Variants in TTYH2 observed in about 807,000 individuals in gnomAD.
TTYH2 encodes protein tweety homolog 2.
In TTYH2, 49 loss-of-function variants were observed where a neutral mutation model predicts 68.3. That is an observed-to-expected ratio of 0.72 (90% CI 0.57 to 0.91). The LOEUF is 0.91. TTYH2 is among the 40% of genes least tolerant of loss of function. The probability of loss-of-function intolerance (pLI) is 0.00; values close to 1 mark genes in which losing one functional copy is unlikely to be tolerated. For synonymous variants in TTYH2, 272 were observed against 300.8 expected (o/e 0.90, Z 0.99); for missense variants, 631 against 700.4 (o/e 0.90, Z 1.12).
chr17:74,213,996 G>A lies in TTYH2; in HGVS notation c.129+280G>A, dbSNP rs2050197547. On this transcript the variant is annotated intron_variant, in intron 1 of 13. Transcript: ENST00000269346. The surrounding 1 kb of genome is among the most constrained non-coding windows in gnomAD (Gnocchi z 6.1). ...GGGCGCAAGACCGCCTGCGGGGTGAGGGGCTGAACGCTGAGCGGGCAGGGC... is the reference window on the plus strand; with the variant it reads ...GGGCGCAAGACCGCCTGCGGGGTGAAGGGCTGAACGCTGAGCGGGCAGGGC... Among the ~76,000 whole-genome samples, 1 of 151,990 alleles carries A rather than the reference G, an allele frequency of 6.6e-6. No individual in the cohort carries two copies. Among genetic ancestry groups the A allele is most frequent in the African/African-American group, 2.4e-5 (1 of 41,374 alleles).
chr17:74,234,130 G>A (rs2050418109), intron 3 of TTYH2, among the ~76,000 whole-genome samples: 1 of 152,186 alleles, frequency 6.6e-6, no homozygotes, highest in African/African-American at 2.4e-5. Flanking sequence ...AACACTGATT[G>A]CAGGGCCCTG....
intron 10 of TTYH2, among the ~76,000 whole-genome samples, chr17:74,251,429 T>A (rs1279940981): frequency 6.6e-6 from 1 of 151,772 alleles, no homozygotes; most frequent in Non-Finnish European, 1.5e-5. Flanking sequence ...TACTGAAGAG[T>A]CCCGAGTTGG....
intron 13 of TTYH2, among the ~76,000 whole-genome samples, chr17:74,255,817 G>T (rs907672870): frequency 3.3e-5 from 5 of 152,340 alleles, no homozygotes; most frequent in East Asian, 3.9e-4. Context: ...GGGTCCTGGA[G>T]CCAGGCATCT....
At chr17:74,257,268 A>T (rs1459689402) in intron 13 of TTYH2, among the ~76,000 whole-genome samples, 1 of 152,174 alleles carries the variant, frequency 6.6e-6, no homozygotes, top group Non-Finnish European at 1.5e-5. Context: ...CCTAGATTTA[A>T]GACCTGCCCA....
intron 6 of TTYH2, among the ~76,000 whole-genome samples, chr17:74,247,181 CAAAAAA>C (rs71157049): frequency 1.3e-5 from 1 of 77,228 alleles, no homozygotes; most frequent in Non-Finnish European, 2.7e-5. Flanking sequence ...GACTCTGTCT[CAAAAAA>C]AAAAAAAAAA....
At chr17:74,226,342 C>T (rs2050329222) in intron 2 of TTYH2, among the ~76,000 whole-genome samples, 1 of 152,004 alleles carries the variant, frequency 6.6e-6, no homozygotes, top group Non-Finnish European at 1.5e-5. Context: ...GTGAAGGAGA[C>T]CAGGAAAGAG....
At chr17:74,250,562 A>C (rs1218311511) in intron 10 of TTYH2, 2 of 560,654 alleles carry the variant, frequency 3.6e-6, no homozygotes, top group South Asian at 2.3e-5. Flanking sequence ...ACAAGGGACC[A>C]GGGGTTCGGG....
At chr17:74,224,038 C>A (rs375281066) in intron 2 of TTYH2, among the ~76,000 whole-genome samples, 3 of 152,202 alleles carry the variant, frequency 2.0e-5, no homozygotes, top group East Asian at 1.9e-4. Context: ...GGACAGAGTT[C>A]TGGACAGGCC....
intron 10 of TTYH2, chr17:74,250,587 T>G: frequency 1.9e-6 from 1 of 529,756 alleles, no homozygotes. Context: ...GAGGGTTGGA[T>G]GCGGTTGGCT....
intron 10 of TTYH2, 60 bp downstream of exon 10, chr17:74,250,417 C>G: frequency 6.9e-7 from 1 of 1,443,868 alleles, no homozygotes; most frequent in South Asian, 1.2e-5. Context: ...GCCACACCTT[C>G]CAGAGAAAAG....
intron 13 of TTYH2, among the ~76,000 whole-genome samples, chr17:74,256,429 AGCAGCATCCCTGGCCTCTACCT>A (rs914619482): frequency 6.6e-6 from 1 of 152,068 alleles, no homozygotes; most frequent in Non-Finnish European, 1.5e-5. Context: ...TGGGATGTTC[AGCAGCATCCCTGGCCTCTACCT>A]GCTAGCAAGC....
chr17:74,243,866 A>T, intron 5 of TTYH2, 111 bp from the exon 6 acceptor site: 1 of 979,234 alleles, frequency 1.0e-6, no homozygotes, highest in Non-Finnish European at 1.5e-6. Flanking sequence ...CAGGGCAGGG[A>T]CTGAGGCTGC....
At chr17:74,253,721 C>T in intron 12 of TTYH2, 34 bp from the exon 13 acceptor site, 1 of 1,608,916 alleles carries the variant, frequency 6.2e-7, no homozygotes, top group South Asian at 1.1e-5. Context: ...ACTCCCACAC[C>T]ATCCCCTCCT....
At chr17:74,249,105 G>T (rs372205402) in intron 7 of TTYH2, 25 bp downstream of exon 7, 6 of 1,613,868 alleles carry the variant, frequency 3.7e-6, no homozygotes, top group Non-Finnish European at 4.2e-6. Flanking sequence ...TCAGGCTGCT[G>T]CTGTGGATGC....
At chr17:74,238,905 C>T (rs1001149659) in intron 4 of TTYH2, among the ~76,000 whole-genome samples, 18 of 151,372 alleles carry the variant, frequency 1.2e-4, no homozygotes, top group African/African-American at 4.4e-4. Context: ...AAATAGGGGT[C>T]TTGCTTTGTT....
Position 74,248,999 on chromosome 17 carries a change from T to G in TTYH2, c.805-12T>G. Reference sequence around the variant, plus strand: ...GATTTTCCTCCACCCCGTCCCTCTCTCCCTCACTCAGGCCACCAGTGACTT... The same window carrying G: ...GATTTTCCTCCACCCCGTCCCTCTCGCCCTCACTCAGGCCACCAGTGACTT... On this transcript the variant is annotated splice_polypyrimidine_tract_variant and intron_variant, in intron 6 of 13. Coordinates refer to ENST00000269346, the MANE Select transcript of TTYH2 (RefSeq NM_032646.6). The G allele has an allele frequency of 6.2e-7, 1 of 1,614,070 alleles. No individual in the cohort carries two copies. The highest frequency in any genetic ancestry group is 1.3e-5 in the African/African-American group (1 of 75,020).
Position 74,241,857 on chromosome 17 carries a change from G to C in TTYH2, c.636-1517G>C, listed in dbSNP as rs1381088325. 6.6e-6 allele frequency among the ~76,000 whole-genome samples: 1 copy of C among 152,254 alleles called. No homozygotes were observed. The highest frequency in any genetic ancestry group is 2.4e-5 in the African/African-American group (1 of 41,474). ...ACAGGGTAAAGGGCATGGCTGCCAG[G>C]GGAGACCACTGGGCCTTGTGAGGAC... On this transcript the variant is annotated intron_variant, in intron 4 of 13. Transcript: ENST00000269346. The surrounding 1 kb of genome is among the most constrained non-coding windows in gnomAD (Gnocchi z 4.1).
chr17:74,234,230 C>T (rs923869996), intron 3 of TTYH2, among the ~76,000 whole-genome samples: 11 of 152,230 alleles, frequency 7.2e-5, no homozygotes, highest in African/African-American at 2.4e-4. Context: ...TCTTACGCCC[C>T]TAGTCCCGGG....
chr17:74,214,134 T>G lies in TTYH2; in HGVS notation c.129+418T>G, dbSNP rs1239394081. On this transcript the variant is annotated intron_variant, in intron 1 of 13. Transcript: ENST00000269346. This position sits in a 1 kb window ranked among gnomAD's most constrained non-coding sequence, Gnocchi z 4.6. ...TTTTCGACCGTCTGAGATTCCAAGA[T>G]GGGGCGCTCTCTTTCCGGGGCTGAG... is the stretch of plus-strand genomic sequence containing the variant. Among the ~76,000 whole-genome samples, 3 of 152,052 alleles carry G rather than the reference T, an allele frequency of 2.0e-5. No homozygotes were observed. Among genetic ancestry groups the G allele is most frequent in the Admixed American group, 1.3e-4 (2 of 15,296 alleles).
Sources: gnomAD v4.1 joint callset for allele counts (sites outside exome capture counted in the v4.1 genomes callset) on GRCh38, gnomAD v4.1.1 for gene constraint, Gnocchi (gnomAD v3.1) non-coding constraint, MANE v1.5 for transcripts, NCBI Gene and HGNC (gene_info 2026-07-23, HGNC 2026-07-21) for gene names.